VPS8: variants seen among roughly 807,000 people sequenced by gnomAD.
VPS8 encodes vacuolar protein sorting-associated protein 8 homolog.
In VPS8, 129 loss-of-function variants were observed where a neutral mutation model predicts 216.4. That is an observed-to-expected ratio of 0.60 (90% CI 0.52 to 0.69). The LOEUF (loss-of-function observed/expected upper bound fraction) is 0.69, where lower values mean the gene tolerates loss of function less well. Ranked by LOEUF, VPS8 falls within the 30% of genes least tolerant of loss-of-function variation. The pLI is 0.00. For missense variants in VPS8, 1,531 were observed against 1,683.5 expected (o/e 0.91, Z 1.59); for synonymous variants, 571 against 565.4 (o/e 1.01, Z -0.14).
intron 25 of VPS8, among the ~76,000 whole-genome samples, chr3:184,907,142 G>A (rs1291735352): frequency 6.6e-6 from 1 of 152,194 alleles, no homozygotes; most frequent in Non-Finnish European, 1.5e-5. Context: ...ATGTGCATTG[G>A]TTCAGTCTGG....
At chr3:184,860,609 T>C (rs752633063) in intron 15 of VPS8, among the ~76,000 whole-genome samples, 5 of 152,182 alleles carry the variant, frequency 3.3e-5, no homozygotes, top group African/African-American at 7.2e-5. Flanking sequence ...ATTAGAAATT[T>C]AATGTCTTGT....
At position 184,974,118 on chromosome 3, in the gene VPS8, A is replaced by G. The variant is rs1341723182; in HGVS notation, c.3420+2366A>G. On this transcript the variant is annotated intron_variant, in intron 40 of 47. Transcript: ENST00000625842. ...AGTTCTGTTTTTAGTTTCTTCAGGA[A>G]CCCCCATACTGTTTTCCAAAATGGC... is the stretch of plus-strand genomic sequence containing the variant. Among the ~76,000 whole-genome samples, 4 of 151,568 alleles carry G rather than the reference A, an allele frequency of 2.6e-5. No homozygotes were observed. The South Asian group carries it at 6.3e-4, about 24-fold the overall frequency.
intron 23 of VPS8, among the ~76,000 whole-genome samples, chr3:184,895,894 A>G (rs1341004669): frequency 2.0e-5 from 3 of 151,348 alleles, no homozygotes; most frequent in Admixed American, 6.6e-5. Context: ...GTGGCCTTCC[A>G]AAGTGCTGAG....
intron 1 of VPS8, among the ~76,000 whole-genome samples, chr3:184,818,941 G>A (rs1393060757): frequency 6.6e-6 from 1 of 152,070 alleles, no homozygotes; most frequent in Non-Finnish European, 1.5e-5. Flanking sequence ...CGTGAAGTAG[G>A]AGGATCGCTT....
At chr3:184,926,513 A>C (rs2109195686) in intron 30 of VPS8, 81 bp from the exon 31 acceptor site, 4 of 1,398,912 alleles carry the variant, frequency 2.9e-6, no homozygotes, top group Non-Finnish European at 3.9e-6. Flanking sequence ...GGTTATTTGA[A>C]AGGGTAGTTA....
At chr3:184,817,704 A>G (rs79211583) in intron 1 of VPS8, among the ~76,000 whole-genome samples, 7,808 of 152,324 alleles carry the variant, frequency 0.051, 299 homozygotes, top group Non-Finnish European at 0.075. Context: ...AATAACACTG[A>G]TAGATTTAAT....
chr3:184,915,027 G>T lies in VPS8; in HGVS notation c.2236G>T (p.Asp746Tyr). ...CTATCCCCTTGGTGACATCCCTGAA[G>T]ATCTGGTTCCCTTGGTTAAAAACCA... is the stretch of plus-strand genomic sequence containing the variant. ...RAYPLGDIPE[D>Y]LVPLVKNQVF... Residue 746 changes from aspartate to tyrosine, a missense_variant, in exon 27 of 48, where the codon GAT becomes TAT. Asp to Tyr is a radical substitution (Grantham distance 160). This residue lies in a region of VPS8 where 1,318 missense variants were observed against 1,468.4 expected (regional missense o/e 0.90). Transcript: ENST00000625842. 1.2e-6 allele frequency: 2 copies of T among 1,613,956 alleles called. No individual in the cohort carries two copies. The highest frequency in any genetic ancestry group is 2.2e-5 in the South Asian group (2 of 91,082).
intron 46 of VPS8, among the ~76,000 whole-genome samples, chr3:185,024,716 A>G: frequency 6.6e-6 from 1 of 152,212 alleles, no homozygotes; most frequent in Middle Eastern, 3.2e-3. Context: ...AATGTGCTTT[A>G]CTTCGACTGG....
intron 3 of VPS8, 59 bp from the exon 4 acceptor site, chr3:184,832,630 G>T: frequency 6.8e-7 from 1 of 1,471,748 alleles, no homozygotes; most frequent in South Asian, 1.3e-5. Context: ...ATTAATGCCT[G>T]ACTCATTTCA....
intron 45 of VPS8, among the ~76,000 whole-genome samples, chr3:185,014,179 A>G (rs1755448592): frequency 6.6e-6 from 1 of 152,240 alleles, no homozygotes; most frequent in African/African-American, 2.4e-5. Context: ...GGCAATGGTA[A>G]TCACCACTAT....
intron 46 of VPS8, among the ~76,000 whole-genome samples, chr3:185,045,137 A>G (rs887768986): frequency 4.6e-5 from 7 of 152,310 alleles, no homozygotes; most frequent in African/African-American, 1.7e-4. Flanking sequence ...TTCTCAGTCC[A>G]CTCGTCCTAC....
intron 20 of VPS8, among the ~76,000 whole-genome samples, 196 bp from the exon 21 acceptor site, chr3:184,870,520 T>C (rs1728140983): frequency 6.6e-6 from 1 of 152,164 alleles, no homozygotes. Context: ...TTAAGAAAGA[T>C]TAGCAAATTA....
intron 36 of VPS8, among the ~76,000 whole-genome samples, chr3:184,952,089 G>A (rs1744798425): frequency 6.6e-6 from 1 of 152,206 alleles, no homozygotes; most frequent in South Asian, 2.1e-4. Context: ...ATTAACAGAA[G>A]TCTGATGTAA....
Position 184,854,001 on chromosome 3 carries a change from C to G in VPS8, c.966C>G (p.Ser322=). ...AGTTTTCATTATTGGCCATGGCATC[C>G]TTGACAAAAGTAAGTGTATTTAGAA... ...ITQFSLLAMA[S]LTKILVIGLK... Residue 322 remains serine, a synonymous_variant, in exon 12 of 48, where the codon TCC becomes TCG. Coordinates refer to ENST00000625842, the MANE Select transcript of VPS8 (RefSeq NM_001009921.3). 6.2e-7 allele frequency: 1 copy of G among 1,613,598 alleles called. No homozygotes were observed. Among genetic ancestry groups the G allele is most frequent in the Non-Finnish European group, 8.5e-7 (1 of 1,179,726 alleles).
intron 26 of VPS8, among the ~76,000 whole-genome samples, chr3:184,914,628 GTATAATGGTGCCATTAGGCACCAT>G (rs1737188087): frequency 6.6e-6 from 1 of 152,196 alleles, no homozygotes; most frequent in Admixed American, 6.5e-5. Flanking sequence ...ATTAATCATA[GTATAATGGTGCCATTAGGCACCAT>G]CTTTCTAGAC....
At chr3:185,034,656 G>T (rs1275690020) in intron 46 of VPS8, among the ~76,000 whole-genome samples, 1 of 151,746 alleles carries the variant, frequency 6.6e-6, no homozygotes, top group Non-Finnish European at 1.5e-5. Context: ...TGTGTGTATT[G>T]TTGCTTTTGT....
chr3:184,992,522 T>C (rs762122808), intron 42 of VPS8, among the ~76,000 whole-genome samples: 10 of 151,950 alleles, frequency 6.6e-5, no homozygotes, highest in Non-Finnish European at 1.2e-4. Context: ...TTAGAGAAGT[T>C]TTTGTAACCT....
chr3:184,824,902 A>AT, intron 2 of VPS8, 117 bp downstream of exon 2: 1 of 912,242 alleles, frequency 1.1e-6, no homozygotes, highest in Non-Finnish European at 1.6e-6. Context: ...GAGTCTGTGT[A>AT]TAATTTTTTT....
chr3:185,031,868 TA>T (rs1012287307), intron 46 of VPS8, among the ~76,000 whole-genome samples: 146 of 152,258 alleles, frequency 9.6e-4, no homozygotes, highest in African/African-American at 3.3e-3. Flanking sequence ...ATAATTGTAT[TA>T]AAAACAAGTT....
Sources: allele counts gnomAD v4.1 joint callset (sites outside exome capture counted in the v4.1 genomes callset), GRCh38; gene constraint gnomAD v4.1.1; regional missense constraint gnomAD v4.1.1; transcripts MANE v1.5; gene names NCBI Gene and HGNC (gene_info 2026-07-23, HGNC 2026-07-21).